BLTP2: variants seen among roughly 807,000 people sequenced by gnomAD.
The protein encoded by BLTP2 is U937-associated antigen.
chr17:28,628,685 AGCAC>A, the BLTP2 span: 11 of 798,116 alleles, frequency 1.4e-5, no homozygotes, highest in Non-Finnish European at 1.8e-5. Flanking sequence ...CCGTAATCCC[AGCAC>A]TTTGGGAGGC....
chr17:28,626,392 TGG>T, the BLTP2 span, among the ~76,000 whole-genome samples: 1 of 152,210 alleles, frequency 6.6e-6, no homozygotes, highest in Non-Finnish European at 1.5e-5. Flanking sequence ...AATATATATT[TGG>T]TCTTCCCTGC....
the BLTP2 span, chr17:28,639,896 T>C: frequency 1.9e-6 from 3 of 1,614,136 alleles, no homozygotes; most frequent in Non-Finnish European, 2.5e-6. Flanking sequence ...CCCCGACCCA[T>C]GAACCTTCCA....
the BLTP2 span, chr17:28,615,108 C>T: frequency 4.3e-6 from 7 of 1,613,788 alleles, no homozygotes; most frequent in Non-Finnish European, 5.9e-6. Flanking sequence ...GGGTTCTTGT[C>T]GCCCACACTT....
At chr17:28,617,247 G>C in the BLTP2 span, 1 of 1,613,786 alleles carries the variant, frequency 6.2e-7, no homozygotes, top group African/African-American at 1.3e-5. Flanking sequence ...AGACAGCATT[G>C]GGGAGGAGGT....
chr17:28,637,371 C>T, the BLTP2 span, among the ~76,000 whole-genome samples: 10 of 152,296 alleles, frequency 6.6e-5, no homozygotes, highest in African/African-American at 2.2e-4. Flanking sequence ...TCCTTAACTC[C>T]TACAAATTGC....
the BLTP2 span, chr17:28,623,931 G>A: frequency 6.2e-7 from 1 of 1,614,014 alleles, no homozygotes; most frequent in Admixed American, 1.7e-5. Context: ...CTGACACAAT[G>A]ACACAGCCTT....
the BLTP2 span, chr17:28,623,635 G>T: frequency 1.3e-6 from 1 of 759,504 alleles, no homozygotes; most frequent in Non-Finnish European, 2.2e-6. Context: ...CCACATTCAA[G>T]GTGTTATTAG....
chr17:28,625,643 G>A, the BLTP2 span, among the ~76,000 whole-genome samples: 6 of 152,210 alleles, frequency 3.9e-5, no homozygotes, highest in African/African-American at 9.6e-5. Flanking sequence ...AAATCTAGTC[G>A]TTATAATTTT....
the BLTP2 span, chr17:28,634,146 C>G: frequency 1.4e-6 from 2 of 1,432,022 alleles, no homozygotes; most frequent in Non-Finnish European, 1.9e-6. Context: ...ACTCTCGGGC[C>G]TATCTTTTTC....
At chr17:28,622,059 A>G in the BLTP2 span, among the ~76,000 whole-genome samples, 1 of 152,144 alleles carries the variant, frequency 6.6e-6, no homozygotes, top group African/African-American at 2.4e-5. Flanking sequence ...TAAGCCCAAG[A>G]TGTTCCACTC....
the BLTP2 span, chr17:28,623,837 G>A: frequency 9.3e-6 from 15 of 1,614,182 alleles, no homozygotes; most frequent in Non-Finnish European, 1.3e-5. Flanking sequence ...CCATCCAAGA[G>A]GCAAGTCCAG....
the BLTP2 span, chr17:28,631,867 C>A: frequency 1.9e-6 from 3 of 1,614,080 alleles, no homozygotes; most frequent in African/African-American, 4.0e-5. Context: ...ATGGCCCTGA[C>A]TGCACTCAAT....
At chr17:28,642,966 C>T in the BLTP2 span, 5 of 1,600,648 alleles carry the variant, frequency 3.1e-6, no homozygotes, top group East Asian at 1.1e-4. Flanking sequence ...ATGTTTATAG[C>T]ATCTACATGA....
chr17:28,614,870 G>T, the BLTP2 span: 1 of 571,104 alleles, frequency 1.8e-6, no homozygotes, highest in East Asian at 2.8e-5. Flanking sequence ...CCCTGAGCCT[G>T]ATCAGTGTGA....
chr17:28,639,574 C>T, the BLTP2 span: 1 of 1,614,046 alleles, frequency 6.2e-7, no homozygotes, highest in Admixed American at 1.7e-5. Flanking sequence ...AATCATCACA[C>T]CTGCACACTA....
At chr17:28,644,113 C>G in the BLTP2 span, 1 of 1,614,216 alleles carries the variant, frequency 6.2e-7, no homozygotes, top group Non-Finnish European at 8.5e-7. Flanking sequence ...CCAAAAAAAG[C>G]GGAAGGAGCC....
At chr17:28,631,972 A>C in the BLTP2 span, 1 of 1,607,504 alleles carries the variant, frequency 6.2e-7, no homozygotes, top group African/African-American at 1.3e-5. Flanking sequence ...AGGGATGATT[A>C]AGGGACTCAA....
chr17:28,643,710 G>C, the BLTP2 span: 1 of 1,527,764 alleles, frequency 6.5e-7, no homozygotes, highest in Non-Finnish European at 9.1e-7. Flanking sequence ...AATAAGCCAC[G>C]AGCAGCTTGA....
At chr17:28,629,931 G>C in the BLTP2 span, among the ~76,000 whole-genome samples, 1 of 152,010 alleles carries the variant, frequency 6.6e-6, no homozygotes, top group Non-Finnish European at 1.5e-5. Flanking sequence ...GTGCAATCCT[G>C]GCTCACTACA....
Sources: gnomAD v4.1 joint callset for allele counts (sites outside exome capture counted in the v4.1 genomes callset) on GRCh38, gnomAD v4.1.1 for gene constraint, MANE v1.5 for transcripts, NCBI Gene and HGNC (gene_info 2026-07-23, HGNC 2026-07-21) for gene names.